Variants in CADM2 observed in about 807,000 individuals in gnomAD.
CADM2 encodes cell adhesion molecule 2.
A neutral mutation model predicts 49.8 loss-of-function variants in CADM2; 12 were observed. The ratio of observed to expected loss-of-function variants is 0.24; its 90% CI spans 0.15 to 0.39. The LOEUF (loss-of-function observed/expected upper bound fraction) is 0.39, where lower values mean the gene tolerates loss of function less well. CADM2 is among the 10% of genes least tolerant of loss of function. CADM2 has a pLI of 1.00. For synonymous variants in CADM2, 214 were observed against 175.4 expected (o/e 1.22, Z -1.74); for missense variants, 378 against 492.3 (o/e 0.77, Z 2.20).
At chr3:85,606,924 G>T (rs1352732069) in intron 1 of CADM2, among the ~76,000 whole-genome samples, 3 of 152,060 alleles carry the variant, frequency 2.0e-5, no homozygotes, top group African/African-American at 7.2e-5. Context: ...ATTATTAGCA[G>T]TGTGAAAGTT....
intron 1 of CADM2, among the ~76,000 whole-genome samples, chr3:85,460,503 C>T (rs935334821): frequency 6.6e-6 from 1 of 152,038 alleles, no homozygotes; most frequent in Non-Finnish European, 1.5e-5. Flanking sequence ...TGCAGGGAAA[C>T]CTTAAGTTTT....
intron 1 of CADM2, among the ~76,000 whole-genome samples, chr3:85,433,683 T>C (rs1469103035): frequency 6.6e-6 from 1 of 152,142 alleles, no homozygotes; most frequent in Non-Finnish European, 1.5e-5. Context: ...GAGAATGGAA[T>C]TGTTTTTTCC....
intron 1 of CADM2, among the ~76,000 whole-genome samples, chr3:85,591,224 C>T (rs1242513135): frequency 6.6e-6 from 1 of 151,916 alleles, no homozygotes; most frequent in East Asian, 1.9e-4. Flanking sequence ...TGAACCTTCA[C>T]TGATGCTAAA....
At chr3:85,198,294 T>A (rs1420727207) in intron 1 of CADM2, among the ~76,000 whole-genome samples, 1 of 151,852 alleles carries the variant, frequency 6.6e-6, no homozygotes, top group African/African-American at 2.4e-5. Flanking sequence ...AAATAATTAT[T>A]CATATATAAT....
intron 2 of CADM2, chr3:85,800,194 A>C (rs962396644): frequency 6.6e-6 from 1 of 152,156 alleles, no homozygotes; most frequent in Non-Finnish European, 1.5e-5. Flanking sequence ...GTGAGGGGCA[A>C]ACTGCCTACT....
chr3:86,035,916 C>A (rs1735095528), intron 8 of CADM2, among the ~76,000 whole-genome samples: 1 of 152,096 alleles, frequency 6.6e-6, no homozygotes, highest in Non-Finnish European at 1.5e-5. Flanking sequence ...GGGTCATCTT[C>A]TGGCTTGCAG....
At chr3:85,567,301 A>G (rs974638235) in intron 1 of CADM2, among the ~76,000 whole-genome samples, 1 of 152,206 alleles carries the variant, frequency 6.6e-6, no homozygotes, top group African/African-American at 2.4e-5. Context: ...CATACAAACC[A>G]CAGGCCTTTA....
intron 7 of CADM2, among the ~76,000 whole-genome samples, chr3:85,953,819 C>T (rs1464837974): frequency 1.3e-5 from 2 of 149,956 alleles, no homozygotes; most frequent in Admixed American, 6.7e-5. Flanking sequence ...GAATATACAG[C>T]CATTTTTAAC....
At chr3:85,091,136 A>C (rs774774082) in intron 1 of CADM2, among the ~76,000 whole-genome samples, 1 of 152,226 alleles carries the variant, frequency 6.6e-6, no homozygotes, top group Non-Finnish European at 1.5e-5. Context: ...ATCAGTTTAC[A>C]GCTGTTAGTG....
intron 1 of CADM2, among the ~76,000 whole-genome samples, chr3:85,394,189 T>C (rs1313798822): frequency 6.6e-6 from 1 of 152,220 alleles, no homozygotes; most frequent in Non-Finnish European, 1.5e-5. Flanking sequence ...ATTTGAATTA[T>C]CTCGGTTATT....
intron 1 of CADM2, among the ~76,000 whole-genome samples, chr3:85,034,190 C>A (rs1050366924): frequency 6.6e-6 from 1 of 152,136 alleles, no homozygotes; most frequent in South Asian, 2.1e-4. Flanking sequence ...TACTGTGTCA[C>A]CCTGTTGTGC....
At chr3:85,862,358 T>C (rs1284175912) in intron 3 of CADM2, among the ~76,000 whole-genome samples, 1 of 152,182 alleles carries the variant, frequency 6.6e-6, no homozygotes, top group Non-Finnish European at 1.5e-5. Flanking sequence ...TAGATGATTC[T>C]AAGCAGTTTG....
chr3:85,589,058 A>G (rs1296121403), intron 1 of CADM2, among the ~76,000 whole-genome samples: 1 of 152,080 alleles, frequency 6.6e-6, no homozygotes, highest in African/African-American at 2.4e-5. Context: ...ACAGTTTAGT[A>G]TGAATGGGTT....
At chr3:85,237,087 C>A (rs1287416411) in intron 1 of CADM2, among the ~76,000 whole-genome samples, 1 of 151,984 alleles carries the variant, frequency 6.6e-6, no homozygotes. Flanking sequence ...AGGCTTTGAT[C>A]TATTAAGTAA....
chr3:85,765,143 G>A (rs898073567), intron 2 of CADM2, among the ~76,000 whole-genome samples: 5 of 151,894 alleles, frequency 3.3e-5, no homozygotes, highest in East Asian at 1.9e-4. Flanking sequence ...CTAAGCTTTC[G>A]CAAAGAAACG....
At chr3:85,648,204 A>C (rs1452991552) in intron 1 of CADM2, among the ~76,000 whole-genome samples, 4 of 151,906 alleles carry the variant, frequency 2.6e-5, no homozygotes, top group Non-Finnish European at 4.4e-5. Flanking sequence ...GATATGACAC[A>C]CTTTTTTCTA....
intron 1 of CADM2, among the ~76,000 whole-genome samples, chr3:85,581,827 A>C (rs957745054): frequency 5.9e-5 from 8 of 135,060 alleles, no homozygotes; most frequent in Non-Finnish European, 1.1e-4. Context: ...TTTATACTTC[A>C]AAAAAAAAAA....
At chr3:84,966,420 T>A (rs1179983197) in intron 1 of CADM2, among the ~76,000 whole-genome samples, 1 of 152,036 alleles carries the variant, frequency 6.6e-6, no homozygotes, top group Non-Finnish European at 1.5e-5. Flanking sequence ...AAGAGTTTGT[T>A]TTGTTTTTAC....
intron 1 of CADM2, among the ~76,000 whole-genome samples, chr3:85,691,138 G>C (rs189193504): frequency 6.6e-6 from 1 of 152,022 alleles, no homozygotes; most frequent in African/African-American, 2.4e-5. Flanking sequence ...CTTTGAAATC[G>C]ACTTCTTTAG....
Sources: allele counts gnomAD v4.1 joint callset (sites outside exome capture counted in the v4.1 genomes callset), GRCh38; gene constraint gnomAD v4.1.1; transcripts MANE v1.5; gene names NCBI Gene and HGNC (gene_info 2026-07-23, HGNC 2026-07-21).